Variants in CDKAL1 observed in about 807,000 individuals in gnomAD.
The protein encoded by CDKAL1 is threonylcarbamoyladenosine tRNA methylthiotransferase.
A neutral mutation model predicts 68.2 loss-of-function variants in CDKAL1; 32 were observed. That is an observed-to-expected ratio of 0.47 (90% CI 0.35 to 0.63). The LOEUF (loss-of-function observed/expected upper bound fraction) is 0.63. CDKAL1 is among the 30% of genes least tolerant of loss of function. The pLI is 0.00. For synonymous variants in CDKAL1, 234 were observed against 244.3 expected (o/e 0.96, Z 0.39); for missense variants, 606 against 696.7 (o/e 0.87, Z 1.47).
chr6:20,664,635 AT>A (rs1465454405), intron 5 of CDKAL1, among the ~76,000 whole-genome samples: 1 of 152,170 alleles, frequency 6.6e-6, no homozygotes, highest in Admixed American at 6.6e-5. Flanking sequence ...TGCTTTTACC[AT>A]TTTAATTTGA....
intron 15 of CDKAL1, among the ~76,000 whole-genome samples, chr6:21,207,208 C>T (rs569460495): frequency 2.1e-5 from 3 of 145,378 alleles, no homozygotes; most frequent in South Asian, 2.1e-4. Flanking sequence ...GCACCACACC[C>T]GGCCTACTTT....
Position 20,765,407 on chromosome 6 carries a change from C to A in CDKAL1, c.517+6764C>A, listed in dbSNP as rs1774655140. Among the ~76,000 whole-genome samples the A allele has an allele frequency of 6.6e-5, 2 of 30,252 alleles. 1 individual carries two copies. The highest frequency in any genetic ancestry group is 6.7e-4 in the Admixed American group (2 of 2,972). 19.8% of individuals were successfully genotyped at this position (30,252 alleles called of 152,430 possible). ...TCCTGACCTCGTGATCCGCCCGCCTCGGCCTCCCAAAGTGCTGGGATTACA... is the reference window on the plus strand; with the variant it reads ...TCCTGACCTCGTGATCCGCCCGCCTAGGCCTCCCAAAGTGCTGGGATTACA... On this transcript the variant is annotated intron_variant, in intron 7 of 15. Transcript: ENST00000274695.
chr6:21,114,133 C>A (rs942721850), intron 13 of CDKAL1, among the ~76,000 whole-genome samples: 9 of 150,740 alleles, frequency 6.0e-5, no homozygotes, highest in East Asian at 2.0e-4. Context: ...CTGTAGTCCC[C>A]GCTACTCGGG....
intron 6 of CDKAL1, among the ~76,000 whole-genome samples, chr6:20,749,683 G>C (rs2150337688): frequency 6.6e-6 from 1 of 151,960 alleles, no homozygotes; most frequent in Non-Finnish European, 1.5e-5. Context: ...AAGTAGCTGG[G>C]ACTACAGGTG....
chr6:20,714,378 CTTTTTTTTTTTTTTTT>C (rs545162371), intron 5 of CDKAL1, among the ~76,000 whole-genome samples: 7 of 72,740 alleles, frequency 9.6e-5, no homozygotes, highest in Admixed American at 4.8e-4. Flanking sequence ...ATTGTCTGTT[CTTTTTTTTTTTTTTTT>C]TTTTTTTTTT....
At chr6:20,876,118 G>C (rs888387111) in intron 9 of CDKAL1, among the ~76,000 whole-genome samples, 5 of 152,254 alleles carry the variant, frequency 3.3e-5, no homozygotes, top group Non-Finnish European at 5.9e-5. Flanking sequence ...CATCTGTAAT[G>C]AATTAGCATT....
chr6:20,671,026 T>G (rs1245829965), intron 5 of CDKAL1, among the ~76,000 whole-genome samples: 1 of 152,174 alleles, frequency 6.6e-6, no homozygotes, highest in East Asian at 1.9e-4. Context: ...TGGAGGTATA[T>G]CTTTGGGATG....
intron 8 of CDKAL1, among the ~76,000 whole-genome samples, chr6:20,789,583 T>G (rs1219895998): frequency 1.3e-5 from 2 of 152,264 alleles, no homozygotes; most frequent in Non-Finnish European, 2.9e-5. Flanking sequence ...AAAAAACATT[T>G]CAAATTCTAG....
At chr6:20,846,931 A>G (rs1437902122) in intron 9 of CDKAL1, among the ~76,000 whole-genome samples, 1 of 152,216 alleles carries the variant, frequency 6.6e-6, no homozygotes, top group Non-Finnish European at 1.5e-5. Context: ...CTATTGTCTC[A>G]TAATCTTGCA....
At chr6:20,609,330 C>G (rs1766495527) in intron 4 of CDKAL1, among the ~76,000 whole-genome samples, 1 of 146,690 alleles carries the variant, frequency 6.8e-6, no homozygotes, top group East Asian at 2.0e-4. Flanking sequence ...CTCTCTCCCT[C>G]CTCCCTCTCT....
intron 5 of CDKAL1, among the ~76,000 whole-genome samples, chr6:20,670,859 G>T (rs1213593577): frequency 6.6e-6 from 1 of 152,020 alleles, no homozygotes; most frequent in South Asian, 2.1e-4. Context: ...AGAAATCTTC[G>T]TCATTCTTTC....
At chr6:20,952,754 T>C (rs1295215449) in intron 9 of CDKAL1, among the ~76,000 whole-genome samples, 9 of 152,258 alleles carry the variant, frequency 5.9e-5, no homozygotes, top group Non-Finnish European at 1.3e-4. Flanking sequence ...CCTCAGGTGC[T>C]CTGGTGACTT....
intron 11 of CDKAL1, 144 bp downstream of exon 11, chr6:21,000,516 T>G: frequency 1.5e-6 from 1 of 645,756 alleles, no homozygotes; most frequent in Non-Finnish European, 2.6e-6. Flanking sequence ...TTAAGTCTCC[T>G]TGGCACCTTT....
At chr6:20,748,511 CACTCCA>C (rs1486219763) in intron 6 of CDKAL1, among the ~76,000 whole-genome samples, 1 of 123,492 alleles carries the variant, frequency 8.1e-6, no homozygotes, top group African/African-American at 3.0e-5. Context: ...TGTGCCACTG[CACTCCA>C]GCTCCAGCTT....
chr6:20,625,810 A>T (rs913788871), intron 4 of CDKAL1, among the ~76,000 whole-genome samples: 5 of 152,162 alleles, frequency 3.3e-5, no homozygotes, highest in African/African-American at 9.6e-5. Context: ...GTAGACTGTT[A>T]TGTGAAAAAA....
At position 20,839,874 on chromosome 6, in the gene CDKAL1, G is replaced by A. The variant is rs950988161; in HGVS notation, c.639-6201G>A. Among the ~76,000 whole-genome samples, 5 of 152,258 alleles carry A rather than the reference G, an allele frequency of 3.3e-5. No homozygotes were observed. The South Asian group carries it at 8.3e-4, about 25-fold the overall frequency. Reference sequence around the variant, plus strand: ...GGTCTGTCCATTATGAAATCACCAAGAGATTTGTGTATTTATTGTTATTCT... The same window carrying A: ...GGTCTGTCCATTATGAAATCACCAAAAGATTTGTGTATTTATTGTTATTCT... On this transcript the variant is annotated intron_variant, in intron 8 of 15. Coordinates refer to ENST00000274695, the MANE Select transcript of CDKAL1 (RefSeq NM_017774.3).
At chr6:21,053,002 CAG>C (rs1419097340) in intron 11 of CDKAL1, among the ~76,000 whole-genome samples, 6 of 152,020 alleles carry the variant, frequency 3.9e-5, no homozygotes, top group African/African-American at 1.4e-4. Flanking sequence ...TTAGAGAACA[CAG>C]AATATTCATT....
At chr6:21,127,688 T>G (rs558390805) in intron 13 of CDKAL1, among the ~76,000 whole-genome samples, 2 of 152,232 alleles carry the variant, frequency 1.3e-5, no homozygotes, top group South Asian at 2.1e-4. Flanking sequence ...AGGCGGAGGT[T>G]GCAGTGAGCC....
chr6:20,903,050 A>G (rs774896915), intron 9 of CDKAL1, among the ~76,000 whole-genome samples: 7 of 152,088 alleles, frequency 4.6e-5, no homozygotes, highest in Non-Finnish European at 1.0e-4. Context: ...TGAATATGTG[A>G]CTTCAGGGTG....
Sources: gnomAD v4.1 joint callset for allele counts (sites outside exome capture counted in the v4.1 genomes callset) on GRCh38, gnomAD v4.1.1 for gene constraint, MANE v1.5 for transcripts, NCBI Gene and HGNC (gene_info 2026-07-23, HGNC 2026-07-21) for gene names.